Variants in TDP1 observed in about 807,000 individuals in gnomAD.
The protein encoded by TDP1 is tyr-DNA phosphodiesterase 1.
A neutral mutation model predicts 81.5 loss-of-function variants in TDP1; 64 were observed. That is an observed-to-expected ratio of 0.79 (90% CI 0.64 to 0.97). The LOEUF is 0.97. TDP1 is among the 50% of genes least tolerant of loss of function. The pLI, the probability that TDP1 is intolerant of heterozygous loss-of-function variation, is 0.00. For synonymous variants in TDP1, 256 were observed against 264.3 expected, an observed-to-expected ratio of 0.97 and a Z score of 0.30; for missense variants, 723 against 743.8, an observed-to-expected ratio of 0.97 and a Z score of 0.33.
intron 15 of TDP1, among the ~76,000 whole-genome samples, chr14:90,021,267 C>T (rs1185702840): frequency 1.3e-5 from 2 of 152,186 alleles, no homozygotes; most frequent in African/African-American, 4.8e-5. Flanking sequence ...TGTAACTAAC[C>T]TCTTTTAGTT....
rs1161215448 is a variant in TDP1, at chr14:90,019,539, C to T, written c.1644+121C>T. Reference sequence around the variant, plus strand: ...GCAGGAAACAGTCGGGATTCTTACCCAGAGCCTGCACTCTTAACCGCTGGT... The same window carrying T: ...GCAGGAAACAGTCGGGATTCTTACCTAGAGCCTGCACTCTTAACCGCTGGT... On this transcript the variant is annotated intron_variant, in intron 15 of 16. Coordinates refer to ENST00000335725, the MANE Select transcript of TDP1 (RefSeq NM_018319.4). 11 of 707,918 alleles carry T rather than the reference C, an allele frequency of 1.6e-5. No individual in the cohort carries two copies. The African/African-American group carries it at 1.7e-4, about 11-fold the overall frequency. 43.9% of individuals were successfully genotyped at this position (707,918 alleles called of 1,614,324 possible).
intron 14 of TDP1, among the ~76,000 whole-genome samples, chr14:90,009,101 T>C (rs1419642287): frequency 1.3e-5 from 2 of 152,374 alleles, no homozygotes; most frequent in East Asian, 1.9e-4. Context: ...TCTGTTGTCT[T>C]GCTCATGATG....
chr14:89,993,144 A>T, intron 13 of TDP1: 15 of 984,660 alleles, frequency 1.5e-5, no homozygotes, highest in Non-Finnish European at 1.8e-5. Flanking sequence ...AAAAATGGAA[A>T]GGCTATATGC....
intron 14 of TDP1, among the ~76,000 whole-genome samples, chr14:90,012,035 A>G (rs1345344963): frequency 6.6e-6 from 1 of 152,240 alleles, no homozygotes; most frequent in Non-Finnish European, 1.5e-5. Context: ...GGCCAGGCCC[A>G]GGCCCTTGCC....
intron 6 of TDP1, 71 bp downstream of exon 6, chr14:89,971,342 C>A: frequency 3.5e-6 from 4 of 1,137,768 alleles, no homozygotes; most frequent in East Asian, 2.4e-5. Context: ...TTTAGTCCAC[C>A]CTCTCACTTA....
chr14:89,993,000 C>T, intron 13 of TDP1: 1 of 937,136 alleles, frequency 1.1e-6, no homozygotes, highest in Non-Finnish European at 1.3e-6. Context: ...TTTTGCTGAG[C>T]CTCTACTCAT....
At chr14:89,976,288 AG>A (rs1297231169) in intron 7 of TDP1, among the ~76,000 whole-genome samples, 1 of 151,478 alleles carries the variant, frequency 6.6e-6, no homozygotes, top group Non-Finnish European at 1.5e-5. Flanking sequence ...TTGTAGAGAC[AG>A]GGGTCTCACT....
At chr14:90,034,551 T>G (rs911154986) in intron 16 of TDP1, among the ~76,000 whole-genome samples, 1 of 152,250 alleles carries the variant, frequency 6.6e-6, no homozygotes, top group Non-Finnish European at 1.5e-5. Context: ...CTGCTGCTTT[T>G]ATCAGCCCTG....
intron 3 of TDP1, chr14:89,965,790 T>A: frequency 1.0e-6 from 1 of 985,182 alleles, no homozygotes; most frequent in East Asian, 1.1e-4. Context: ...TTGGGAGATT[T>A]CCTGGAGAGG....
chr14:89,957,066 G>C (rs1891744294), intron 2 of TDP1: 1 of 152,190 alleles, frequency 6.6e-6, no homozygotes, highest in African/African-American at 2.4e-5. Context: ...ACCTCTGCCG[G>C]CTGGGTTCCC....
Position 90,043,240 on chromosome 14 carries a change from T to C in TDP1, c.*97T>C, listed in dbSNP as rs1275768637. 5.4e-6 allele frequency: 8 copies of C among 1,475,176 alleles called. No individual in the cohort carries two copies. The highest frequency in any genetic ancestry group is 2.8e-5 in the African/African-American group (2 of 72,234). The allele number at this position is 1,475,176 out of a possible 1,614,324, so 91.4% of individuals were successfully genotyped here. A position where few individuals can be genotyped will look rare whatever the true frequency, so the allele number is the denominator to read the frequency against. On this transcript the variant is annotated 3_prime_UTR_variant, in exon 17 of 17. Coordinates refer to ENST00000335725, the MANE Select transcript of TDP1 (RefSeq NM_018319.4). ...GATGTCCACTTCCCTTAAAGTCTTA[T>C]TTGCACCCTTACAAAATCTTTCCAA... is the stretch of plus-strand genomic sequence containing the variant.
At chr14:89,968,698 A>G (rs1893238477) in intron 5 of TDP1, among the ~76,000 whole-genome samples, 1 of 152,214 alleles carries the variant, frequency 6.6e-6, no homozygotes, top group Admixed American at 6.5e-5. Context: ...TCCTCCTCGC[A>G]GTAGTATCCT....
At chr14:89,964,870 G>A (rs1472336507) in intron 3 of TDP1, 1 of 448,532 alleles carries the variant, frequency 2.2e-6, no homozygotes, top group Admixed American at 2.5e-5. Context: ...ATGAGTAGAT[G>A]TTACAATCGT....
In TDP1 at chr14:90,033,049, T is replaced by C. The variant is rs116506102; in HGVS notation, c.1645-57T>C. The C allele has an allele frequency of 4.8e-4, 641 of 1,324,800 alleles. 3 individuals carry two copies. In the African/African-American group the frequency reaches 8.2e-3, roughly 17 times the overall value. 82.1% of individuals were successfully genotyped at this position (1,324,800 alleles called of 1,614,324 possible). A position where few individuals can be genotyped will look rare whatever the true frequency, so the allele number is the denominator to read the frequency against. On this transcript the variant is annotated intron_variant, in intron 15 of 16. Transcript: ENST00000335725. The stretch of plus-strand genomic sequence containing the variant: ...ATTGCTTCTTGAGGCCTTCTGGTTT[T>C]TTTTTTTAAACCCAGAAAATGGGGT...
chr14:90,037,408 G>C (rs1887926620), intron 16 of TDP1, among the ~76,000 whole-genome samples: 1 of 152,110 alleles, frequency 6.6e-6, no homozygotes, highest in Non-Finnish European at 1.5e-5. Context: ...AGAAGTAACT[G>C]AACATGCAAA....
At chr14:89,984,267 G>A in intron 8 of TDP1, 1 of 985,468 alleles carries the variant, frequency 1.0e-6, no homozygotes, top group Non-Finnish European at 1.2e-6. Flanking sequence ...ATGTGGGTTG[G>A]AAGAGGTGGG....
At position 89,968,230 on chromosome 14, in the gene TDP1, A is replaced by AAC. The variant is rs534665290; in HGVS notation, c.659+810_659+811dup. ...CTGCATGTAAAAGAATATTCAAAAT[A>AAC]ACAATGGCTTAAATAAGACAAATTG... On this transcript the variant is annotated intron_variant, in intron 5 of 16. Transcript: ENST00000335725. 1.7e-3 allele frequency among the ~76,000 whole-genome samples: 252 copies of AAC among 151,988 alleles called. 2 individuals are homozygous for AAC. The highest frequency in any genetic ancestry group is 3.0e-3 in the Non-Finnish European group (203 of 68,002).
chr14:89,999,249 T>G (rs1263123921), intron 14 of TDP1, among the ~76,000 whole-genome samples: 5 of 152,244 alleles, frequency 3.3e-5, no homozygotes, highest in Non-Finnish European at 5.9e-5. Context: ...TTTTATGCTC[T>G]GGTGGACAAT....
chr14:90,011,211 A>G (rs1268393012), intron 14 of TDP1, among the ~76,000 whole-genome samples: 1 of 151,422 alleles, frequency 6.6e-6, no homozygotes, highest in Non-Finnish European at 1.5e-5. Context: ...AGTCCATTAA[A>G]CCTCCTTTCC....
Sources: gnomAD v4.1 joint callset for allele counts (sites outside exome capture counted in the v4.1 genomes callset) on GRCh38, gnomAD v4.1.1 for gene constraint, MANE v1.5 for transcripts, NCBI Gene and HGNC (gene_info 2026-07-23, HGNC 2026-07-21) for gene names.